Variants in MAPK10 observed in about 807,000 individuals in gnomAD.
MAPK10 encodes the protein JNK3 alpha protein kinase.
MAPK10 carries 25 observed loss-of-function variants against 59.3 expected under a neutral mutation model. The observed-to-expected ratio is 0.42, with a 90% CI of 0.31 to 0.59. The LOEUF (loss-of-function observed/expected upper bound fraction) is 0.59. Among genes scored for constraint, MAPK10 ranks in the 20% least tolerant of loss-of-function variants. The pLI is 0.15. For missense variants in MAPK10, 351 were observed against 568.9 expected, an observed-to-expected ratio of 0.62 and a Z score of 3.90; for synonymous variants, 190 against 200.5, an observed-to-expected ratio of 0.95 and a Z score of 0.44.
At chr4:86,413,892 C>T (rs1745522079) in intron 1 of MAPK10, among the ~76,000 whole-genome samples, 1 of 152,152 alleles carries the variant, frequency 6.6e-6, no homozygotes, top group Non-Finnish European at 1.5e-5. Flanking sequence ...CAATGCCCTG[C>T]CCTGCTTCAG....
rs139991894 is a variant in MAPK10 at position 86,425,261 on chromosome 4, G to A, written c.-122+27769C>T. ...GTTTAACAGTATATATTACAGTGGTGGTCTTAAAGCAAAAAGAATAGTAGT... is the reference window on the plus strand; with the variant it reads ...GTTTAACAGTATATATTACAGTGGTAGTCTTAAAGCAAAAAGAATAGTAGT... On this transcript the variant is annotated intron_variant, in intron 1 of 13. Coordinates refer to the MAPK10 transcript ENST00000361569. Among the ~76,000 whole-genome samples, 922 of 152,092 alleles carry A rather than the reference G, an allele frequency of 6.1e-3. 7 individuals carry two copies. The highest frequency in any genetic ancestry group is 0.02 in the African/African-American group (824 of 41,494).
chr4:86,402,121 G>A (rs947466946), intron 1 of MAPK10, among the ~76,000 whole-genome samples: 1 of 152,010 alleles, frequency 6.6e-6, no homozygotes, highest in Non-Finnish European at 1.5e-5. Context: ...CTCATTTTAC[G>A]GAAATTGTTC....
chr4:86,096,616 T>A (rs147565987), intron 9 of MAPK10, among the ~76,000 whole-genome samples: 1 of 151,974 alleles, frequency 6.6e-6, no homozygotes, highest in African/African-American at 2.4e-5. Flanking sequence ...GCTGTGCAAC[T>A]TCACTCTGAG....
chr4:86,430,330 T>G (rs1747867133), intron 1 of MAPK10, among the ~76,000 whole-genome samples: 1 of 152,226 alleles, frequency 6.6e-6, no homozygotes, highest in Non-Finnish European at 1.5e-5. Flanking sequence ...AAGTATGAAT[T>G]CATTGGCACG....
At chr4:86,505,856 A>G (rs1218315870) in intron 1 of MAPK10, among the ~76,000 whole-genome samples, 1 of 152,104 alleles carries the variant, frequency 6.6e-6, no homozygotes, top group Admixed American at 6.6e-5. Context: ...TATTGCGTCA[A>G]TATCTATAAA....
intron 1 of MAPK10, among the ~76,000 whole-genome samples, chr4:86,473,608 A>G (rs1183841896): frequency 6.6e-6 from 1 of 152,146 alleles, no homozygotes; most frequent in East Asian, 1.9e-4. Context: ...ATTCCAGCAA[A>G]TTCACCAACT....
upstream of MAPK10, chr4:86,360,140 G>A (rs1333895174): frequency 3.0e-6 from 3 of 985,794 alleles, no homozygotes; most frequent in African/African-American, 3.5e-5. Flanking sequence ...TCAAAGCCCA[G>A]AGAGGTCTAG....
chr4:86,372,519 CAAAA>C (rs1738929715), intron 1 of MAPK10, among the ~76,000 whole-genome samples: 1 of 43,460 alleles, frequency 2.3e-5, no homozygotes, highest in African/African-American at 1.3e-4. Flanking sequence ...CCATCTCAAA[CAAAA>C]GAAAGAAAGA....
At chr4:86,276,280 T>A (rs17011655) in intron 2 of MAPK10, among the ~76,000 whole-genome samples, 1 of 152,036 alleles carries the variant, frequency 6.6e-6, no homozygotes, top group Non-Finnish European at 1.5e-5. Flanking sequence ...TCATGGCCCC[T>A]GACCACTAGC....
chr4:86,024,569 T>C (rs1227047945), intron 13 of MAPK10: 1 of 152,238 alleles, frequency 6.6e-6, no homozygotes, highest in Non-Finnish European at 1.5e-5. Flanking sequence ...ACTTCATTTC[T>C]CCTGTCTTCC....
intron 3 of MAPK10, among the ~76,000 whole-genome samples, chr4:86,174,183 G>A (rs948076243): frequency 2.0e-5 from 3 of 152,206 alleles, no homozygotes; most frequent in Non-Finnish European, 4.4e-5. Context: ...TATGTTTATT[G>A]CAGTATTATT....
chr4:86,583,702 C>T (rs1482189719), intron 1 of MAPK10, among the ~76,000 whole-genome samples: 4 of 152,198 alleles, frequency 2.6e-5, no homozygotes, highest in African/African-American at 9.6e-5. Flanking sequence ...ATAACCCTTT[C>T]TGTTTAAGCC....
At chr4:86,103,107 G>A (rs2055831577) in intron 6 of MAPK10, 79 bp downstream of exon 6, 1 of 802,060 alleles carries the variant, frequency 1.2e-6, no homozygotes, top group Non-Finnish European at 2.2e-6. Flanking sequence ...GTGTGTGTGT[G>A]TGTGTGTGTG....
chr4:86,074,875 G>C lies in MAPK10; in HGVS notation c.803-6920C>G, dbSNP rs1004896099. Among the ~76,000 whole-genome samples the C allele has an allele frequency of 2.2e-4, 27 of 123,462 alleles. 1 individual carries two copies. The East Asian group carries it at 2.8e-3, about 13-fold the overall frequency. 81.0% of individuals were successfully genotyped at this position (123,462 alleles called of 152,430 possible). ...GTGAATCTGACAATTATGTGTCTTG[G>C]AGTTGCTCTTCTCGAGGAGTATCTT... On this transcript the variant is annotated intron_variant, in intron 9 of 13. Coordinates refer to ENST00000641462, the MANE Select transcript of MAPK10 (RefSeq NM_138982.4).
chr4:86,107,608 G>A, intron 4 of MAPK10: 2 of 1,092,974 alleles, frequency 1.8e-6, no homozygotes, highest in Non-Finnish European at 2.2e-6. Context: ...AGTAGAAGAG[G>A]GCAAAGGAGA....
At chr4:86,077,588 A>G (rs1579792725) in intron 9 of MAPK10, among the ~76,000 whole-genome samples, 1 of 152,106 alleles carries the variant, frequency 6.6e-6, no homozygotes, top group Non-Finnish European at 1.5e-5. Flanking sequence ...GTTTTCTTCT[A>G]TCATTGATTG....
rs186083748 is a variant in MAPK10, at chr4:86,187,776, T to A, written c.66+6560A>T. Among the ~76,000 whole-genome samples, 26 of 152,306 alleles carry A rather than the reference T, an allele frequency of 1.7e-4. No homozygotes were observed. In the East Asian group the frequency reaches 3.5e-3, roughly 20 times the overall value. On this transcript the variant is annotated intron_variant, in intron 3 of 13. Coordinates refer to ENST00000641462, the MANE Select transcript of MAPK10 (RefSeq NM_138982.4). ...ACTTCCATTTCCTAAACTACTTTTT[T>A]AAAAACTTATACTTTAAGTTCTGCG... is the stretch of plus-strand genomic sequence containing the variant.
At chr4:86,373,425 A>G (rs1329945500) in intron 1 of MAPK10, among the ~76,000 whole-genome samples, 1 of 152,224 alleles carries the variant, frequency 6.6e-6, no homozygotes, top group Non-Finnish European at 1.5e-5. Flanking sequence ...TAATTAAACT[A>G]AAGAGCTTCT....
At chr4:86,046,590 T>C (rs1180743500) in intron 11 of MAPK10, among the ~76,000 whole-genome samples, 6 of 152,172 alleles carry the variant, frequency 3.9e-5, no homozygotes, top group Non-Finnish European at 7.4e-5. Context: ...GAAGAACAAT[T>C]ATTTGCATTC....
Sources: gnomAD v4.1 joint callset for allele counts (sites outside exome capture counted in the v4.1 genomes callset) on GRCh38, gnomAD v4.1.1 for gene constraint, MANE v1.5 for transcripts, NCBI Gene and HGNC (gene_info 2026-07-23, HGNC 2026-07-21) for gene names.